EYS: variants seen among roughly 807,000 people sequenced by gnomAD.
EYS encodes the protein EGF-like photoreceptor maintenance factor.
A neutral mutation model predicts 282.1 loss-of-function variants in EYS; 250 were observed. The ratio of observed to expected loss-of-function variants is 0.89; its 90% confidence interval spans 0.80 to 0.98. The LOEUF is 0.98. Ranked by LOEUF, EYS falls within the 50% of genes least tolerant of loss-of-function variation. The pLI is 0.00. For synonymous variants in EYS, 1,355 were observed against 1,282.9 expected, an observed-to-expected ratio of 1.06 and a Z score of -1.20; for missense variants, 4,016 against 3,709.0, an observed-to-expected ratio of 1.08 and a Z score of -2.15.
At chr6:65,103,986 A>T (rs1332053979) in intron 12 of EYS, among the ~76,000 whole-genome samples, 1 of 151,256 alleles carries the variant, frequency 6.6e-6, no homozygotes, top group East Asian at 1.9e-4. Context: ...AATTTTAAGT[A>T]TCAGTTTCTT....
intron 29 of EYS, among the ~76,000 whole-genome samples, chr6:64,373,423 T>G (rs1223036671): frequency 6.6e-6 from 1 of 152,212 alleles, no homozygotes; most frequent in Non-Finnish European, 1.5e-5. Context: ...GCAGACAAGC[T>G]GTATTGTCAG....
At chr6:63,763,870 T>TTATATATATATATATATA (rs55668347) in intron 40 of EYS, among the ~76,000 whole-genome samples, 29 of 129,662 alleles carry the variant, frequency 2.2e-4, no homozygotes, top group African/African-American at 7.7e-4. Context: ...TTATATCTTG[T>TTATATATATATATATATA]TATATATATA....
At chr6:64,239,032 C>T (rs1365658742) in intron 30 of EYS, among the ~76,000 whole-genome samples, 2 of 151,956 alleles carry the variant, frequency 1.3e-5, no homozygotes, top group East Asian at 1.9e-4. Context: ...GTTAGTTTGC[C>T]GAGAATGATG....
At chr6:65,619,110 T>G (rs146171508) in intron 2 of EYS, among the ~76,000 whole-genome samples, 119,648 of 151,290 alleles carry the variant, frequency 0.79, 47,389 homozygotes, top group Middle Eastern at 0.83. Context: ...GTAGATTGAT[T>G]GGGATGGCAT....
chr6:64,924,166 A>G (rs1172402152), intron 15 of EYS, among the ~76,000 whole-genome samples: 2 of 152,084 alleles, frequency 1.3e-5, no homozygotes, highest in African/African-American at 4.8e-5. Flanking sequence ...AGGTTCCCAA[A>G]CCTCAGTTCT....
intron 11 of EYS, among the ~76,000 whole-genome samples, chr6:65,297,076 G>A (rs1768687997): frequency 6.6e-6 from 1 of 150,696 alleles, no homozygotes; most frequent in East Asian, 1.9e-4. Flanking sequence ...CTATATCTAG[G>A]CATAGTTATA....
At chr6:64,858,396 G>A (rs567694528) in intron 19 of EYS, among the ~76,000 whole-genome samples, 11 of 151,822 alleles carry the variant, frequency 7.2e-5, no homozygotes, top group East Asian at 1.9e-4. Flanking sequence ...GTAAAAAATC[G>A]CTTAAGCATA....
intron 26 of EYS, among the ~76,000 whole-genome samples, chr6:64,498,995 C>A (rs188059947): frequency 5.9e-5 from 9 of 151,984 alleles, no homozygotes; most frequent in Non-Finnish European, 1.3e-4. Flanking sequence ...GATTGTTGGG[C>A]GAAATGGTAT....
chr6:65,057,530 G>A, intron 13 of EYS, 84 bp downstream of exon 13: 2 of 827,568 alleles, frequency 2.4e-6, no homozygotes, highest in Non-Finnish European at 4.1e-6. Flanking sequence ...GTTGTTGGAA[G>A]ACTGAAATGA....
At chr6:63,964,578 G>C (rs1442599213) in intron 35 of EYS, among the ~76,000 whole-genome samples, 1 of 152,134 alleles carries the variant, frequency 6.6e-6, no homozygotes, top group East Asian at 1.9e-4. Flanking sequence ...GAATCCACTA[G>C]TCCTTGCCAT....
chr6:65,200,328 C>G (rs759025036), intron 12 of EYS, among the ~76,000 whole-genome samples: 59 of 151,480 alleles, frequency 3.9e-4, no homozygotes, highest in Admixed American at 7.2e-4. Flanking sequence ...GATAGAAATG[C>G]AATCTGTTGG....
intron 22 of EYS, among the ~76,000 whole-genome samples, chr6:64,795,188 T>G (rs555549643): frequency 6.7e-6 from 1 of 149,196 alleles, no homozygotes. Context: ...TGAGCTGAGA[T>G]CACATCATTG....
At chr6:64,324,549 C>A (rs1046050324) in intron 29 of EYS, among the ~76,000 whole-genome samples, 4 of 152,102 alleles carry the variant, frequency 2.6e-5, no homozygotes, top group Admixed American at 1.3e-4. Flanking sequence ...AAGCTTTCCC[C>A]TTGAGAACTT....
chr6:64,222,371 C>A (rs932629128), intron 31 of EYS, among the ~76,000 whole-genome samples: 2 of 151,694 alleles, frequency 1.3e-5, no homozygotes, highest in Non-Finnish European at 2.9e-5. Context: ...AGAGACCACA[C>A]GTTTTGTTCT....
intron 31 of EYS, among the ~76,000 whole-genome samples, chr6:64,186,248 TACACACACACACACACAC>T (rs34727951): frequency 6.8e-6 from 1 of 147,072 alleles, no homozygotes; most frequent in African/African-American, 2.5e-5. Context: ...ATGTGTGTTT[TACACACACACACACACAC>T]ACACACACAC....
chr6:64,019,491 A>ACCC (rs978680753), intron 33 of EYS, among the ~76,000 whole-genome samples: 1 of 151,474 alleles, frequency 6.6e-6, no homozygotes, highest in Admixed American at 6.6e-5. Context: ...GCTTGCTACA[A>ACCC]CCCCTGTCTC....
intron 26 of EYS, among the ~76,000 whole-genome samples, chr6:64,479,852 A>G (rs551502851): frequency 2.0e-5 from 3 of 151,904 alleles, no homozygotes; most frequent in Admixed American, 1.3e-4. Flanking sequence ...TCATTTTCTT[A>G]TATTGCACAA....
chr6:65,069,068 C>T (rs1001987158), intron 12 of EYS, among the ~76,000 whole-genome samples: 1 of 151,980 alleles, frequency 6.6e-6, no homozygotes, highest in African/African-American at 2.4e-5. Flanking sequence ...TTTTCTCCTA[C>T]ATTTTTGGTA....
At chr6:64,494,441 A>T (rs1037526661) in intron 26 of EYS, among the ~76,000 whole-genome samples, 3 of 151,562 alleles carry the variant, frequency 2.0e-5, no homozygotes, top group African/African-American at 7.3e-5. Context: ...CCCTTCATAT[A>T]CTGTGTACAG....
Sources: gnomAD v4.1 joint callset for allele counts (sites outside exome capture counted in the v4.1 genomes callset) on GRCh38, gnomAD v4.1.1 for gene constraint, MANE v1.5 for transcripts, NCBI Gene and HGNC (gene_info 2026-07-23, HGNC 2026-07-21) for gene names.